The following VWF variants were observed in gnomAD, a reference collection of about 807,000 sequenced individuals.
VWF encodes the protein von Willebrand factor, also known as Factor VIII related antigen.
A neutral mutation model predicts 308.6 loss-of-function variants in VWF; 176 were observed. The observed-to-expected ratio is 0.57, with a 90% CI of 0.50 to 0.65. The LOEUF (loss-of-function observed/expected upper bound fraction) is 0.65. Ranked by LOEUF, VWF falls within the 30% of genes least tolerant of loss-of-function variation. VWF has a pLI of 0.00. For missense variants in VWF, 3,146 were observed against 3,648.2 expected (o/e 0.86, Z 3.55); for synonymous variants, 1,385 against 1,443.4 (o/e 0.96, Z 0.92).
At position 5,952,461 on chromosome 12, in the gene VWF, C is replaced by T. The variant is rs538486039; in HGVS notation, c.8045G>A (p.Gly2682Glu). ...GACCCTCTTCTCCCAGAAGTACTCT[C>T]CTCTCTCATTGACCTTGCAGAAGTG... ...DTHFCKVNER[G>E]EYFWEKRVTG... The change falls in exon 49 of 52, where the codon GGA becomes GAA. Residue 2682 changes from glycine (G) to glutamate (E), a missense_variant. Coordinates refer to ENST00000261405, the MANE Select transcript of VWF (RefSeq NM_000552.5). 19 of 1,614,164 alleles carry T rather than the reference C, an allele frequency of 1.2e-5. No homozygotes were observed. In the South Asian group the frequency reaches 1.8e-4, roughly 15 times the overall value.
intron 5 of VWF, among the ~76,000 whole-genome samples, chr12:6,103,131 TC>T (rs1165045754): frequency 2.0e-5 from 3 of 151,822 alleles, no homozygotes; most frequent in Admixed American, 6.6e-5. Context: ...ATTGAGACCA[TC>T]CCTGGCTAAC....
intron 3 of VWF, among the ~76,000 whole-genome samples, chr12:6,117,138 A>G (rs915000270): frequency 6.6e-6 from 1 of 152,218 alleles, no homozygotes; most frequent in Non-Finnish European, 1.5e-5. Context: ...ATCAATTTAC[A>G]TTAAAGTGTG....
chr12:6,071,321 T>C lies in VWF; in HGVS notation c.1132A>G (p.Ile378Val). The C allele has an allele frequency of 2.5e-6, 4 of 1,614,184 alleles. No individual in the cohort carries two copies. Among genetic ancestry groups the C allele is most frequent in the Non-Finnish European group, 3.4e-6 (4 of 1,180,026 alleles). ...NTCICRNSQW[I>V]CSNEECPGEC... is the part of the protein sequence containing the mutation. ...CCTGGACATTCTTCATTGCTGCAGATCCACTGGCTGTTTCGGCAAATGCTG... is the reference window on the plus strand; with the variant it reads ...CCTGGACATTCTTCATTGCTGCAGACCCACTGGCTGTTTCGGCAAATGCTG... The change falls in exon 10 of 52, where the codon ATC becomes GTC. Residue 378 changes from isoleucine to valine, a missense_variant. Ile to Val is a conservative substitution (Grantham distance 29). This residue lies in a region of VWF where 1,304 missense variants were observed against 1,353.0 expected (regional missense o/e 0.96). Transcript: ENST00000261405.
At chr12:6,002,163 T>G (rs1478846664) in intron 34 of VWF, among the ~76,000 whole-genome samples, 1 of 151,488 alleles carries the variant, frequency 6.6e-6, no homozygotes, top group Non-Finnish European at 1.5e-5. Context: ...CCAGTTCCAA[T>G]TAAATAGAAA....
At chr12:6,110,236 A>T in intron 5 of VWF, 138 bp downstream of exon 5, 1 of 932,192 alleles carries the variant, frequency 1.1e-6, no homozygotes, top group Non-Finnish European at 1.8e-6. Flanking sequence ...ATGCAAAGAG[A>T]TAAGGTTGGC....
At chr12:6,029,772 A>G (rs995466131) in intron 21 of VWF, among the ~76,000 whole-genome samples, 3 of 152,312 alleles carry the variant, frequency 2.0e-5, no homozygotes, top group Middle Eastern at 3.4e-3. Flanking sequence ...CTATGAAACC[A>G]ATGAGCAGGT....
chr12:6,064,519 C>A lies in VWF; in HGVS notation c.1294-135G>T, dbSNP rs1944690723. On this transcript the variant is annotated intron_variant, in intron 11 of 51. Transcript: ENST00000261405. The stretch of plus-strand genomic sequence containing the variant: ...TCTCATAACCTACAACTCCATTCTC[C>A]CAGAATACTCCATGTGAATGGGGCC... The A allele has an allele frequency of 5.1e-6, 7 of 1,360,968 alleles. No homozygotes were observed. In the South Asian group the frequency reaches 7.6e-5, roughly 15 times the overall value. The allele number at this position is 1,360,968 out of a possible 1,614,324, so 84.3% of individuals were successfully genotyped here. A position where few individuals can be genotyped will look rare whatever the true frequency, so the allele number is the denominator to read the frequency against.
Position 5,948,910 on chromosome 12 carries a change from G to C in VWF, c.*105C>G. 1.5e-6 allele frequency: 2 copies of C among 1,329,092 alleles called. No homozygotes were observed. The highest frequency in any genetic ancestry group is 2.1e-6 in the Non-Finnish European group (2 of 948,510). 82.3% of individuals were successfully genotyped at this position (1,329,092 alleles called of 1,614,324 possible). A position where few individuals can be genotyped will look rare whatever the true frequency, so the allele number is the denominator to read the frequency against. ...GATAAGAGCTCAGCCTTTATTGTGG[G>C]CTCAGAAGGGCACAAGAGCAGAACA... On this transcript the variant is annotated 3_prime_UTR_variant, in exon 52 of 52. Coordinates refer to ENST00000261405, the MANE Select transcript of VWF (RefSeq NM_000552.5). The surrounding 1 kb of genome is among the most constrained non-coding windows in gnomAD (Gnocchi z 4.4).
intron 38 of VWF, among the ~76,000 whole-genome samples, chr12:5,991,386 G>A (rs1216782355): frequency 6.6e-6 from 1 of 152,086 alleles, no homozygotes; most frequent in Non-Finnish European, 1.5e-5. Flanking sequence ...TTAATACCCT[G>A]CAAAATACAC....
intron 38 of VWF, among the ~76,000 whole-genome samples, chr12:5,988,192 C>A (rs1347276153): frequency 6.6e-6 from 1 of 152,168 alleles, no homozygotes; most frequent in African/African-American, 2.4e-5. Context: ...TCCCGCAGTG[C>A]CCGGCATCAC....
At chr12:5,956,585 T>C (rs10849361) in intron 47 of VWF, among the ~76,000 whole-genome samples, 31,378 of 150,920 alleles carry the variant, frequency 0.21, 4,948 homozygotes, top group African/African-American at 0.44. Flanking sequence ...TAAGCTGCAA[T>C]GAGCTATGAT....
intron 47 of VWF, among the ~76,000 whole-genome samples, chr12:5,954,916 T>C (rs1186045660): frequency 6.6e-6 from 1 of 152,202 alleles, no homozygotes; most frequent in Non-Finnish European, 1.5e-5. Context: ...GACTAAAATA[T>C]TCAGCCTAGG....
At position 6,063,153 on chromosome 12, in the gene VWF, G is replaced by A; in HGVS notation, c.1433-99C>T. 1.0e-6 allele frequency: 1 copy of A among 983,612 alleles called. No homozygotes were observed. Among genetic ancestry groups the A allele is most frequent in the Non-Finnish European group, 1.6e-6 (1 of 637,364 alleles). The allele number at this position is 983,612 out of a possible 1,614,324, so 60.9% of individuals were successfully genotyped here. ...AGGAAATGGGGTGTCTCAAAAGGAT[G>A]GTAGCACTGAAGAGCAATGACTTAG... On this transcript the variant is annotated intron_variant, in intron 12 of 51. Coordinates refer to ENST00000261405, the MANE Select transcript of VWF (RefSeq NM_000552.5). This position sits in a 1 kb window ranked among gnomAD's most constrained non-coding sequence, Gnocchi z 4.9.
intron 6 of VWF, among the ~76,000 whole-genome samples, chr12:6,079,877 G>C (rs1426215223): frequency 6.6e-6 from 1 of 152,112 alleles, no homozygotes; most frequent in East Asian, 1.9e-4. Flanking sequence ...ACCCCAGCCT[G>C]GCTCTCCAGC....
intron 42 of VWF, among the ~76,000 whole-genome samples, chr12:5,979,072 A>G (rs1374600415): frequency 6.6e-6 from 1 of 152,258 alleles, no homozygotes; most frequent in Admixed American, 6.5e-5. Flanking sequence ...CATCAAACAC[A>G]TAAGAATCCA....
At position 6,058,664 on chromosome 12, in the gene VWF, C is replaced by T. The variant is rs60680068; in HGVS notation, c.1534-620G>A. Among the ~76,000 whole-genome samples the T allele has an allele frequency of 0.022, 3,372 of 152,284 alleles. 136 individuals carry two copies. Among genetic ancestry groups the T allele is most frequent in the African/African-American group, 0.076 (3,177 of 41,536 alleles). On this transcript the variant is annotated intron_variant, in intron 13 of 51. Coordinates refer to ENST00000261405, the MANE Select transcript of VWF (RefSeq NM_000552.5). This position sits in a 1 kb window ranked among gnomAD's most constrained non-coding sequence, Gnocchi z 4.9. ...AGAAAGGGCCACGAGCCACAGAAGA[C>T]TCTGAGGGTGATGATGGATAGGAGT...
intron 31 of VWF, among the ~76,000 whole-genome samples, chr12:6,015,630 A>G (rs1944047208): frequency 6.6e-6 from 1 of 152,026 alleles, no homozygotes; most frequent in Non-Finnish European, 1.5e-5. Context: ...CCTTTCCTAC[A>G]GCATGATCCT....
chr12:5,975,654 C>T (rs1225154282), intron 43 of VWF, among the ~76,000 whole-genome samples: 2 of 152,144 alleles, frequency 1.3e-5, no homozygotes, highest in Non-Finnish European at 2.9e-5. Flanking sequence ...TAGGGACAGG[C>T]GAAGGTGATA....
intron 24 of VWF, among the ~76,000 whole-genome samples, chr12:6,025,361 G>A (rs565096192): frequency 4.9e-4 from 74 of 152,352 alleles, no homozygotes; most frequent in African/African-American, 1.8e-3. Flanking sequence ...TTCTCATGCA[G>A]AAGGAAATGT....
Sources: allele counts gnomAD v4.1 joint callset (sites outside exome capture counted in the v4.1 genomes callset), GRCh38; gene constraint gnomAD v4.1.1; regional missense constraint gnomAD v4.1.1; non-coding constraint Gnocchi (gnomAD v3.1); transcripts MANE v1.5; gene names NCBI Gene and HGNC (gene_info 2026-07-23, HGNC 2026-07-21).